Variants in CNTN6 observed in about 807,000 individuals in gnomAD.
CNTN6 encodes the protein contactin 6, also known as contactin-6.
A neutral mutation model predicts 122.8 loss-of-function variants in CNTN6; 137 were observed. The ratio of observed to expected loss-of-function variants is 1.12; its 90% CI spans 0.97 to 1.29. The LOEUF (loss-of-function observed/expected upper bound fraction) is 1.29. CNTN6 is among the 50% of genes most tolerant of loss of function. The pLI, the probability that CNTN6 is intolerant of heterozygous loss-of-function variation, is 0.00. For synonymous variants in CNTN6, 570 were observed against 426.0 expected, an observed-to-expected ratio of 1.34 and a Z score of -4.16; for missense variants, 1,634 against 1,223.4, an observed-to-expected ratio of 1.34 and a Z score of -5.01.
intron 2 of CNTN6, among the ~76,000 whole-genome samples, chr3:1,174,919 G>A (rs2093421158): frequency 6.6e-6 from 1 of 152,136 alleles, no homozygotes; most frequent in Non-Finnish European, 1.5e-5. Context: ...ACACTCCCAA[G>A]CACATCTATA....
At chr3:1,122,386 T>TGAAGGAGGAAAGAAGGAAGG (rs1462115847) in intron 1 of CNTN6, among the ~76,000 whole-genome samples, 1 of 135,202 alleles carries the variant, frequency 7.4e-6, no homozygotes, top group African/African-American at 3.3e-5. Flanking sequence ...AAGGGAGGAA[T>TGAAGGAGGAAAGAAGGAAGG]GAAGGAGGAA....
intron 2 of CNTN6, among the ~76,000 whole-genome samples, chr3:1,210,997 G>A (rs1356594839): frequency 1.3e-5 from 2 of 152,146 alleles, no homozygotes; most frequent in Non-Finnish European, 2.9e-5. Context: ...ACTCACTGCT[G>A]ACCCACTGAC....
At chr3:1,160,344 G>GTATGTATATATATATATATA (rs1158623079) in intron 2 of CNTN6, among the ~76,000 whole-genome samples, 3 of 111,130 alleles carry the variant, frequency 2.7e-5, no homozygotes, top group Non-Finnish European at 5.4e-5. Context: ...TACTTTTACT[G>GTATGTATATATATATATATA]TATATATATA....
chr3:1,136,813 G>T lies in CNTN6; in HGVS notation c.-82-11114G>T, dbSNP rs186909410. ...ATTCTGATGATACTGGTCAAATGAGGGATTTTTCTGCCACTTATCATCTGT... is the reference window on the plus strand; with the variant it reads ...ATTCTGATGATACTGGTCAAATGAGTGATTTTTCTGCCACTTATCATCTGT... On this transcript the variant is annotated intron_variant, in intron 1 of 22. Coordinates refer to ENST00000446702, the MANE Select transcript of CNTN6 (RefSeq NM_001289080.2). Among the ~76,000 whole-genome samples, 274 of 152,166 alleles carry T rather than the reference G, an allele frequency of 1.8e-3. 1 individual carries two copies. The highest frequency in any genetic ancestry group is 6.4e-3 in the African/African-American group (265 of 41,514).
At chr3:1,106,447 C>T (rs28446571) in intron 1 of CNTN6, among the ~76,000 whole-genome samples, 22,415 of 151,766 alleles carry the variant, frequency 0.15, 2,486 homozygotes, top group African/African-American at 0.31. Context: ...TTGGAACAAA[C>T]CTGTGTTTGA....
intron 4 of CNTN6, among the ~76,000 whole-genome samples, chr3:1,274,566 T>C (rs1691973897): frequency 6.6e-6 from 1 of 152,192 alleles, no homozygotes; most frequent in Non-Finnish European, 1.5e-5. Context: ...ATCTATCTTA[T>C]TGAACTCATA....
At chr3:1,289,963 T>C (rs9839158) in intron 5 of CNTN6, among the ~76,000 whole-genome samples, 129,544 of 151,886 alleles carry the variant, frequency 0.85, 55,397 homozygotes, top group East Asian at 0.97. Flanking sequence ...CGTGAGCCAA[T>C]GCGCCCGGCG....
chr3:1,185,311 CT>C, intron 2 of CNTN6, among the ~76,000 whole-genome samples: 1 of 152,082 alleles, frequency 6.6e-6, no homozygotes, highest in South Asian at 2.1e-4. Context: ...ATTCTTATTT[CT>C]TCCACAGTGA....
At chr3:1,403,019 C>T (rs1235517105) in intron 22 of CNTN6, among the ~76,000 whole-genome samples, 2 of 152,116 alleles carry the variant, frequency 1.3e-5, no homozygotes, top group East Asian at 1.9e-4. Flanking sequence ...AAATCACTTA[C>T]TCATCTGCCT....
intron 7 of CNTN6, among the ~76,000 whole-genome samples, chr3:1,299,223 G>C (rs1482348776): frequency 6.6e-6 from 1 of 152,054 alleles, no homozygotes; most frequent in African/African-American, 2.4e-5. Flanking sequence ...CTTTACATCA[G>C]TTTTTAATTG....
chr3:1,304,947 T>C (rs953233177), intron 7 of CNTN6, among the ~76,000 whole-genome samples: 1 of 141,630 alleles, frequency 7.1e-6, no homozygotes, highest in East Asian at 2.1e-4. Flanking sequence ...GCTGAGATCG[T>C]GCTGCTGCAC....
chr3:1,294,148 G>A (rs1169414231), intron 5 of CNTN6, among the ~76,000 whole-genome samples: 3 of 152,120 alleles, frequency 2.0e-5, no homozygotes, highest in Non-Finnish European at 2.9e-5. Context: ...CTTAGACAAG[G>A]ATGCTTATTT....
Position 1,295,743 on chromosome 3 carries a change from T to C in CNTN6, c.597T>C (p.Thr199=), listed in dbSNP as rs1696115366. 2 of 1,614,054 alleles carry C rather than the reference T, an allele frequency of 1.2e-6. No individual in the cohort carries two copies. Among genetic ancestry groups the C allele is most frequent in the African/African-American group, 1.3e-5 (1 of 75,050 alleles). ...SDVGNYTCFI[T]NKEAQRSVQG... Reference sequence around the variant, plus strand: ...TGGGCAACTACACTTGCTTTATAACTAACAAAGAGGCCCAGAGAAGTGTTC... The same window carrying C: ...TGGGCAACTACACTTGCTTTATAACCAACAAAGAGGCCCAGAGAAGTGTTC... Residue 199 remains threonine (T), a synonymous_variant, in exon 6 of 23, where the codon ACT becomes ACC. Transcript: ENST00000446702.
chr3:1,158,931 TAC>T (rs200516499), intron 2 of CNTN6, among the ~76,000 whole-genome samples: 6 of 107,898 alleles, frequency 5.6e-5, no homozygotes, highest in Admixed American at 9.8e-5. Flanking sequence ...TATATATATA[TAC>T]ACACACACAT....
intron 1 of CNTN6, among the ~76,000 whole-genome samples, chr3:1,115,363 T>C (rs899398737): frequency 1.3e-5 from 2 of 152,122 alleles, no homozygotes; most frequent in African/African-American, 4.8e-5. Flanking sequence ...ATTACTGGCA[T>C]TATGAAGAAA....
At chr3:1,386,261 GT>G (rs200389581) in intron 20 of CNTN6, among the ~76,000 whole-genome samples, 30,635 of 152,066 alleles carry the variant, frequency 0.2, 3,199 homozygotes, top group Non-Finnish European at 0.23. Flanking sequence ...TCAGTAAATG[GT>G]TTTTTTGTTT....
intron 4 of CNTN6, among the ~76,000 whole-genome samples, chr3:1,264,471 T>A (rs1408912783): frequency 6.6e-6 from 1 of 152,198 alleles, no homozygotes; most frequent in African/African-American, 2.4e-5. Flanking sequence ...AGAGAGAGGT[T>A]GAGTGGTTGA....
intron 4 of CNTN6, among the ~76,000 whole-genome samples, chr3:1,246,080 T>C (rs1452455314): frequency 6.6e-6 from 1 of 152,098 alleles, no homozygotes; most frequent in Non-Finnish European, 1.5e-5. Context: ...AGAAGTATAA[T>C]ATATACAGAA....
At chr3:1,095,230 T>C (rs1268480468) in intron 1 of CNTN6, among the ~76,000 whole-genome samples, 2 of 152,040 alleles carry the variant, frequency 1.3e-5, no homozygotes, top group African/African-American at 4.8e-5. Flanking sequence ...CCCAGCACTT[T>C]GGGAGGCCGA....
Sources: allele counts gnomAD v4.1 joint callset (sites outside exome capture counted in the v4.1 genomes callset), GRCh38; gene constraint gnomAD v4.1.1; transcripts MANE v1.5; gene names NCBI Gene and HGNC (gene_info 2026-07-23, HGNC 2026-07-21).